PDE4D: variants seen among roughly 807,000 people sequenced by gnomAD.
PDE4D encodes phosphodiesterase 4D.
PDE4D carries 24 observed loss-of-function variants against 87.4 expected under a neutral mutation model. The ratio of observed to expected loss-of-function variants is 0.27; its 90% CI spans 0.20 to 0.39. The LOEUF (loss-of-function observed/expected upper bound fraction) is 0.39. PDE4D is among the 10% of genes least tolerant of loss of function. PDE4D has a pLI of 1.00. For missense variants in PDE4D, 714 were observed against 1,041.0 expected (o/e 0.69, Z 4.32); for synonymous variants, 384 against 383.2 (o/e 1.00, Z -0.02).
chr5:59,909,914 T>C (rs894975426), intron 3 of PDE4D, among the ~76,000 whole-genome samples: 29 of 152,286 alleles, frequency 1.9e-4, no homozygotes, highest in African/African-American at 6.5e-4. Context: ...ACTTCTGAAA[T>C]TTCCTAAAGA....
chr5:60,468,139 T>TTTTTTTG (rs1554040611), intron 1 of PDE4D, among the ~76,000 whole-genome samples: 93 of 145,508 alleles, frequency 6.4e-4, no homozygotes, highest in South Asian at 2.2e-3. Context: ...TCTTTTTTCT[T>TTTTTTTG]TTTTTTTTGT....
intron 1 of PDE4D, among the ~76,000 whole-genome samples, chr5:59,709,461 C>T (rs570807274): frequency 1.5e-4 from 23 of 152,256 alleles, no homozygotes; most frequent in African/African-American, 4.3e-4. Flanking sequence ...GTGTTAGTGG[C>T]GCCAACAACT....
chr5:59,192,007 C>A lies in PDE4D; in HGVS notation c.684+1493G>T, dbSNP rs542654298. ...ACTAGAAAGAATTCATAATCTCCAG[C>A]AAAACCTTCAGCAAACAAGATATTA... On this transcript the variant is annotated intron_variant, in intron 3 of 14. Transcript: ENST00000340635. Among the ~76,000 whole-genome samples the A allele has an allele frequency of 5.9e-5, 9 of 152,222 alleles. No homozygotes were observed. The East Asian group carries it at 1.7e-3, about 29-fold the overall frequency.
intron 5 of PDE4D, among the ~76,000 whole-genome samples, chr5:59,047,842 G>A (rs1760950257): frequency 6.6e-6 from 1 of 152,164 alleles, no homozygotes; most frequent in African/African-American, 2.4e-5. Context: ...TATAAGAAGA[G>A]GCCAGAGGTT....
At chr5:60,404,440 C>T (rs1741369264) in intron 1 of PDE4D, among the ~76,000 whole-genome samples, 1 of 152,076 alleles carries the variant, frequency 6.6e-6, no homozygotes, top group Non-Finnish European at 1.5e-5. Context: ...GATGTCAGGT[C>T]GCTGAATACA....
chr5:59,859,240 T>C (rs1287590423), intron 1 of PDE4D, among the ~76,000 whole-genome samples: 1 of 152,172 alleles, frequency 6.6e-6, no homozygotes, highest in Non-Finnish European at 1.5e-5. Context: ...TTAGTTGTTT[T>C]CTTAAAGACA....
At chr5:59,597,923 T>C (rs1826933540) in intron 1 of PDE4D, among the ~76,000 whole-genome samples, 1 of 152,140 alleles carries the variant, frequency 6.6e-6, no homozygotes. Flanking sequence ...TGCTGAGCAC[T>C]TGAAACTTTT....
At chr5:59,173,693 T>A (rs1783374286) in intron 5 of PDE4D, among the ~76,000 whole-genome samples, 1 of 152,210 alleles carries the variant, frequency 6.6e-6, no homozygotes, top group Non-Finnish European at 1.5e-5. Flanking sequence ...GTGGCCACAA[T>A]CTTTATTCTA....
chr5:60,461,318 T>G (rs1746923429), intron 1 of PDE4D, among the ~76,000 whole-genome samples: 1 of 152,154 alleles, frequency 6.6e-6, no homozygotes, highest in Admixed American at 6.5e-5. Context: ...ACTTATACTC[T>G]TGGTGAAATT....
chr5:59,323,321 C>G (rs568588209), intron 1 of PDE4D, among the ~76,000 whole-genome samples: 1 of 151,986 alleles, frequency 6.6e-6, no homozygotes, highest in Non-Finnish European at 1.5e-5. Context: ...TATTGATGAC[C>G]ATCTGTGATA....
intron 1 of PDE4D, among the ~76,000 whole-genome samples, chr5:59,501,097 G>A (rs1808217746): frequency 6.6e-6 from 1 of 152,068 alleles, no homozygotes; most frequent in African/African-American, 2.4e-5. Context: ...TCCATTCATT[G>A]TATTCTTTTT....
intron 1 of PDE4D, among the ~76,000 whole-genome samples, chr5:59,886,498 T>TAAATAA (rs1312870126): frequency 2.0e-5 from 3 of 150,634 alleles, no homozygotes; most frequent in Middle Eastern, 3.4e-3. Context: ...GCTCGGACGA[T>TAAATAA]AAATAAAAAT....
At chr5:59,405,773 C>G (rs1791499165) in intron 1 of PDE4D, among the ~76,000 whole-genome samples, 1 of 152,072 alleles carries the variant, frequency 6.6e-6, no homozygotes, top group South Asian at 2.1e-4. Context: ...AAATGCTTTC[C>G]CAGCATAAAT....
chr5:59,908,907 T>C (rs1753137793), intron 3 of PDE4D, among the ~76,000 whole-genome samples: 1 of 152,200 alleles, frequency 6.6e-6, no homozygotes, highest in Non-Finnish European at 1.5e-5. Context: ...TTTATGAATT[T>C]CTTTCCTATT....
chr5:59,252,279 G>T (rs1041201239), intron 1 of PDE4D, among the ~76,000 whole-genome samples: 6 of 152,114 alleles, frequency 3.9e-5, no homozygotes, highest in Non-Finnish European at 1.5e-5. Flanking sequence ...TTGTAAAGTT[G>T]TACTACGTTC....
At chr5:59,957,932 C>G (rs1759025620) in intron 3 of PDE4D, among the ~76,000 whole-genome samples, 2 of 152,034 alleles carry the variant, frequency 1.3e-5, no homozygotes, top group Admixed American at 1.3e-4. Context: ...AGTGGAAAGC[C>G]TGGAGAGTTT....
intron 5 of PDE4D, among the ~76,000 whole-genome samples, chr5:59,122,534 GA>G (rs1285993220): frequency 2.6e-5 from 4 of 152,150 alleles, no homozygotes; most frequent in Non-Finnish European, 5.9e-5. Flanking sequence ...AAAATAGCTA[GA>G]AAGAGGACAC....
intron 1 of PDE4D, among the ~76,000 whole-genome samples, chr5:60,336,867 A>G (rs567065937): frequency 2.0e-5 from 3 of 152,222 alleles, no homozygotes; most frequent in Non-Finnish European, 4.4e-5. Context: ...TGAATTTTAT[A>G]TAAGTAATGG....
At chr5:60,000,471 C>A (rs1763921482) in intron 2 of PDE4D, among the ~76,000 whole-genome samples, 1 of 152,130 alleles carries the variant, frequency 6.6e-6, no homozygotes, top group Admixed American at 6.6e-5. Context: ...CAAGCATACT[C>A]TTTCTGGCAA....
Sources: allele counts gnomAD v4.1 joint callset (sites outside exome capture counted in the v4.1 genomes callset), GRCh38; gene constraint gnomAD v4.1.1; transcripts MANE v1.5; gene names NCBI Gene and HGNC (gene_info 2026-07-23, HGNC 2026-07-21).